Variants in NIBAN3 observed in about 807,000 individuals in gnomAD.
The protein encoded by NIBAN3 is protein Niban 3.
Under a neutral mutation model 76.4 loss-of-function variants are expected in NIBAN3, and 66 were observed. That is an observed-to-expected ratio of 0.86 (90% confidence interval 0.71 to 1.06). NIBAN3 has a LOEUF of 1.06. Among genes scored for constraint, NIBAN3 ranks in the 50% least tolerant of loss-of-function variants. The pLI, the probability that NIBAN3 is intolerant of heterozygous loss-of-function variation, is 0.00. For missense variants in NIBAN3, 808 were observed against 810.7 expected, an observed-to-expected ratio of 1.00 and a Z score of 0.04; for synonymous variants, 360 against 355.2, an observed-to-expected ratio of 1.01 and a Z score of -0.15.
Position 17,540,305 on chromosome 19 carries a change from C to A in NIBAN3, c.980-87C>A, listed in dbSNP as rs1031784689. ...GAAGAGGGCGCTCAGCGTCCCTGCT[C>A]GCGTCCCCCTCGCGAGGGCCCCTGC... On this transcript the variant is annotated intron_variant, in intron 8 of 14. Coordinates refer to ENST00000599164, the MANE Select transcript of NIBAN3 (RefSeq NM_001321827.2). The A allele has an allele frequency of 1.5e-5, 15 of 970,248 alleles. No homozygotes were observed. The African/African-American group carries it at 1.9e-4, about 12-fold the overall frequency. 60.1% of individuals were successfully genotyped at this position (970,248 alleles called of 1,614,324 possible).
At chr19:17,550,447 G>A (rs1055225282) in intron 14 of NIBAN3, among the ~76,000 whole-genome samples, 1 of 152,082 alleles carries the variant, frequency 6.6e-6, no homozygotes, top group African/African-American at 2.4e-5. Context: ...TAGGTGGATT[G>A]CTTGAGCCTG....
At chr19:17,529,804 A>G (rs946819476) in intron 1 of NIBAN3, among the ~76,000 whole-genome samples, 7 of 152,198 alleles carry the variant, frequency 4.6e-5, no homozygotes, top group African/African-American at 1.7e-4. Context: ...CTCAATCTGT[A>G]TTCCCAGCGC....
chr19:17,527,028 C>T (rs1017072032), upstream of NIBAN3, among the ~76,000 whole-genome samples: 2 of 152,092 alleles, frequency 1.3e-5, no homozygotes, highest in East Asian at 1.9e-4. Flanking sequence ...CCATACACAA[C>T]GACTGCTGGC....
intron 8 of NIBAN3, 137 bp downstream of exon 8, chr19:17,539,902 G>C: frequency 2.5e-6 from 1 of 401,680 alleles, no homozygotes; most frequent in Non-Finnish European, 4.5e-6. Flanking sequence ...CCAAGCATAG[G>C]ATGTGCAAGG....
chr19:17,525,720 G>A (rs566960826), upstream of NIBAN3, among the ~76,000 whole-genome samples: 27 of 152,296 alleles, frequency 1.8e-4, no homozygotes, highest in African/African-American at 6.5e-4. Context: ...GCCCTCAGTG[G>A]TGCTTTCCCA....
chr19:17,523,555 C>G, upstream of NIBAN3: 1 of 1,049,300 alleles, frequency 9.5e-7, no homozygotes. Flanking sequence ...CACGGGGCTG[C>G]GAAGTGAAGG....
At chr19:17,539,897 C>A in intron 8 of NIBAN3, 132 bp downstream of exon 8, 1 of 316,860 alleles carries the variant, frequency 3.2e-6, no homozygotes, top group Non-Finnish European at 5.5e-6. Context: ...CGGGGCCAAG[C>A]ATAGGATGTG....
In NIBAN3 at chr19:17,527,287, A is replaced by G. The variant is rs918422648; in HGVS notation, c.-54A>G. ...CATCCAGGTGCCCCTGAGCCGAGGA[A>G]CGCAGGCGGTGGTCGTGGGGAAGGG... On this transcript the variant is annotated 5_prime_UTR_variant, in exon 1 of 15. Coordinates refer to ENST00000599164, the MANE Select transcript of NIBAN3 (RefSeq NM_001321827.2). The G allele has an allele frequency of 6.4e-7, 1 of 1,550,562 alleles. No individual in the cohort carries two copies. The highest frequency in any genetic ancestry group is 8.7e-7 in the Non-Finnish European group (1 of 1,146,792).
chr19:17,532,056 G>A (rs773936652), intron 2 of NIBAN3, among the ~76,000 whole-genome samples: 2 of 152,178 alleles, frequency 1.3e-5, no homozygotes, highest in African/African-American at 2.4e-5. Flanking sequence ...TCTCCGGAAT[G>A]CCCCACTTCC....
At chr19:17,534,850 C>T (rs770342998) in intron 4 of NIBAN3, among the ~76,000 whole-genome samples, 3 of 151,756 alleles carry the variant, frequency 2.0e-5, no homozygotes, top group Non-Finnish European at 4.4e-5. Flanking sequence ...CAATTCCAGG[C>T]ATGTGCCTGG....
At chr19:17,531,753 C>T (rs1000797827) in intron 2 of NIBAN3, among the ~76,000 whole-genome samples, 9 of 152,096 alleles carry the variant, frequency 5.9e-5, no homozygotes, top group South Asian at 2.1e-4. Context: ...AGGCTGATCT[C>T]GAACTCCTGA....
At chr19:17,548,046 C>T (rs1318502937) in intron 13 of NIBAN3, among the ~76,000 whole-genome samples, 1 of 152,206 alleles carries the variant, frequency 6.6e-6, no homozygotes, top group African/African-American at 2.4e-5. Context: ...CATTGAGGCC[C>T]TAGAGGTTTT....
chr19:17,541,200 C>T (rs759204353), intron 9 of NIBAN3, among the ~76,000 whole-genome samples: 16 of 151,372 alleles, frequency 1.1e-4, no homozygotes, highest in Non-Finnish European at 1.8e-4. Flanking sequence ...ATCTGATATA[C>T]AAGTAGCACC....
intron 14 of NIBAN3, among the ~76,000 whole-genome samples, chr19:17,550,314 G>A (rs1199984141): frequency 1.3e-5 from 2 of 152,076 alleles, no homozygotes; most frequent in African/African-American, 4.8e-5. Context: ...TAGCTGATCT[G>A]GGACAGAGAA....
chr19:17,551,370 C>T (rs946427187), intron 14 of NIBAN3, among the ~76,000 whole-genome samples: 1 of 151,860 alleles, frequency 6.6e-6, no homozygotes, highest in African/African-American at 2.4e-5. Context: ...GCTGGGATTA[C>T]AAGCGTGAGC....
intron 8 of NIBAN3, 91 bp from the exon 9 acceptor site, chr19:17,540,301 T>TGCTCGCGTCCC: frequency 1.1e-6 from 1 of 940,418 alleles, no homozygotes; most frequent in Non-Finnish European, 1.5e-6. Context: ...TCAGCGTCCC[T>TGCTCGCGTCCC]GCTCGCGTCC....
At chr19:17,524,372 G>A (rs905796177), upstream of NIBAN3, among the ~76,000 whole-genome samples, 1 of 151,886 alleles carries the variant, frequency 6.6e-6, no homozygotes, top group Non-Finnish European at 1.5e-5. Flanking sequence ...TGCAACCTCC[G>A]CCTCCTGGGT....
chr19:17,542,201 G>A lies in NIBAN3; in HGVS notation c.1236G>A (p.Glu412=). ...TGCAGACATGCTACCGTGAGGCCGAGCGGAGCCGGGGGCGCTTGGGGCAGC... is the reference window on the plus strand; with the variant it reads ...TGCAGACATGCTACCGTGAGGCCGAACGGAGCCGGGGGCGCTTGGGGCAGC... ...ALMQTCYREA[E]RSRGRLGQLA... Residue 412 remains glutamate, a synonymous_variant, in exon 10 of 15, where the codon GAG becomes GAA. Transcript: ENST00000599164. This position sits in a 1 kb window ranked among gnomAD's most constrained non-coding sequence, Gnocchi z 4.8. 6.2e-7 allele frequency: 1 copy of A among 1,614,200 alleles called. No individual in the cohort carries two copies. The highest frequency in any genetic ancestry group is 8.5e-7 in the Non-Finnish European group (1 of 1,180,044).
chr19:17,539,486 G>A lies in NIBAN3; in HGVS notation c.816+35G>A, dbSNP rs773090317. ...GCGTCCGGATCCGGGATAGGGGGCG[G>A]GATGCGGGCGTTCGGGTTCCCCTCC... On this transcript the variant is annotated intron_variant, in intron 7 of 14. Transcript: ENST00000599164. 8.9e-6 allele frequency: 13 copies of A among 1,457,750 alleles called. No homozygotes were observed. In the South Asian group the frequency reaches 1.3e-4, roughly 14 times the overall value. The allele number at this position is 1,457,750 out of a possible 1,614,324, so 90.3% of individuals were successfully genotyped here.
Sources: allele counts gnomAD v4.1 joint callset (sites outside exome capture counted in the v4.1 genomes callset), GRCh38; gene constraint gnomAD v4.1.1; non-coding constraint Gnocchi (gnomAD v3.1); transcripts MANE v1.5; gene names NCBI Gene and HGNC (gene_info 2026-07-23, HGNC 2026-07-21).